LARP1B: variants seen among roughly 807,000 people sequenced by gnomAD.
The protein encoded by LARP1B is La ribonucleoprotein 1B, also known as la-related protein 1B.
A neutral mutation model predicts 114.2 loss-of-function variants in LARP1B; 76 were observed. That is an observed-to-expected ratio of 0.67 (90% CI 0.55 to 0.81). The LOEUF is 0.81. Among genes scored for constraint, LARP1B ranks in the 30% least tolerant of loss-of-function variants. LARP1B has a pLI of 0.00. For synonymous variants in LARP1B, 345 were observed against 348.0 expected, an observed-to-expected ratio of 0.99 and a Z score of 0.10; for missense variants, 1,014 against 1,075.8, an observed-to-expected ratio of 0.94 and a Z score of 0.80.
At chr4:128,159,732 G>A (rs2150410299) in intron 11 of LARP1B, among the ~76,000 whole-genome samples, 1 of 152,230 alleles carries the variant, frequency 6.6e-6, no homozygotes, top group East Asian at 1.9e-4. Flanking sequence ...TGCAGATGTA[G>A]ATCAACAGGA....
intron 11 of LARP1B, among the ~76,000 whole-genome samples, chr4:128,139,734 T>C (rs1486246323): frequency 6.6e-6 from 1 of 152,160 alleles, no homozygotes; most frequent in African/African-American, 2.4e-5. Context: ...GAAGTCTAAA[T>C]GACTGAGAAC....
Position 128,061,765 on chromosome 4 carries a change from G to C in LARP1B, c.-78+364G>C, listed in dbSNP as rs1760195179. On this transcript the variant is annotated intron_variant, in intron 1 of 19. Coordinates refer to ENST00000326639, the MANE Select transcript of LARP1B (RefSeq NM_018078.4). ...CGCCCGCGGTGACTGCTGAGAGGGA[G>C]TCGCTGTTGGCCGCGGCGAACCGGC... 8.1e-6 allele frequency: 8 copies of C among 984,962 alleles called. No homozygotes were observed. The South Asian group carries it at 3.8e-4, about 46-fold the overall frequency. 61.0% of individuals were successfully genotyped at this position (984,962 alleles called of 1,614,324 possible).
intron 17 of LARP1B, among the ~76,000 whole-genome samples, chr4:128,203,729 G>C (rs146210994): frequency 0.012 from 1,835 of 152,228 alleles, 20 homozygotes; most frequent in Non-Finnish European, 0.017. Context: ...GTTGAAAGTA[G>C]TAATAATGTG....
At position 128,082,804 on chromosome 4, in the gene LARP1B, CTTT is replaced by C. The variant is rs33973592; in HGVS notation, c.358+512_358+514del. Among the ~76,000 whole-genome samples, 1,049 of 141,284 alleles carry C rather than the reference CTTT, an allele frequency of 7.4e-3. 16 individuals carry two copies. Among genetic ancestry groups the C allele is most frequent in the African/African-American group, 0.02 (764 of 38,504 alleles). The allele number at this position is 141,284 out of a possible 152,430, so 92.7% of individuals were successfully genotyped here. On this transcript the variant is annotated intron_variant, in intron 5 of 19. Transcript: ENST00000326639. The stretch of plus-strand genomic sequence containing the variant: ...GTATAAGAAAATATATCATTTTCTT[CTTT>C]TTTTTTTTTTTTAATTTTTATTTTT...
intron 8 of LARP1B, among the ~76,000 whole-genome samples, chr4:128,103,382 A>G (rs914624768): frequency 6.6e-6 from 1 of 152,162 alleles, no homozygotes; most frequent in Non-Finnish European, 1.5e-5. Context: ...GTCCAAGGAA[A>G]AAAAAGGTAT....
intron 18 of LARP1B, among the ~76,000 whole-genome samples, 189 bp from the exon 19 acceptor site, chr4:128,207,067 T>C (rs1489825038): frequency 6.6e-6 from 1 of 152,224 alleles, no homozygotes; most frequent in African/African-American, 2.4e-5. Flanking sequence ...ACTTAATGCT[T>C]GTTACATAAC....
intron 11 of LARP1B, among the ~76,000 whole-genome samples, chr4:128,125,752 A>G (rs1789380673): frequency 6.6e-6 from 1 of 152,208 alleles, no homozygotes; most frequent in South Asian, 2.1e-4. Context: ...CTCAAAAAAC[A>G]AAAAACAAAA....
chr4:128,197,763 A>G (rs1754697366), intron 15 of LARP1B, among the ~76,000 whole-genome samples: 1 of 152,138 alleles, frequency 6.6e-6, no homozygotes, highest in Non-Finnish European at 1.5e-5. Flanking sequence ...CTGAGAAATA[A>G]TAAAGTCTGA....
At chr4:128,183,621 G>T (rs1306925607) in intron 15 of LARP1B, among the ~76,000 whole-genome samples, 8 of 152,112 alleles carry the variant, frequency 5.3e-5, no homozygotes, top group Non-Finnish European at 1.0e-4. Flanking sequence ...CATTTATTCT[G>T]CAGTCCATGG....
intron 11 of LARP1B, among the ~76,000 whole-genome samples, chr4:128,139,593 A>C (rs985005391): frequency 1.5e-4 from 23 of 151,898 alleles, no homozygotes; most frequent in Admixed American, 2.6e-4. Flanking sequence ...TAAAAAAAAA[A>C]ACAAAAAAAC....
intron 17 of LARP1B, among the ~76,000 whole-genome samples, chr4:128,204,691 T>C (rs886471108): frequency 6.6e-6 from 1 of 150,774 alleles, no homozygotes; most frequent in East Asian, 1.9e-4. Context: ...AATAAATAAA[T>C]AAAATGGCTT....
At chr4:128,092,847 T>C (rs1776370604) in intron 7 of LARP1B, 1 of 985,342 alleles carries the variant, frequency 1.0e-6, no homozygotes, top group Non-Finnish European at 1.2e-6. Context: ...GTCAACTTCA[T>C]ACCACTATTA....
intron 17 of LARP1B, among the ~76,000 whole-genome samples, chr4:128,201,516 C>T (rs1286804221): frequency 1.3e-5 from 2 of 151,852 alleles, no homozygotes; most frequent in Non-Finnish European, 2.9e-5. Flanking sequence ...AATTTTTTCC[C>T]CGCTAGTCCT....
At chr4:128,123,604 G>A (rs1040747928) in intron 11 of LARP1B, 8 of 442,120 alleles carry the variant, frequency 1.8e-5, no homozygotes, top group Non-Finnish European at 2.4e-5. Context: ...TTTTCTATTT[G>A]TTCATTACTA....
chr4:128,122,068 C>T lies in LARP1B; in HGVS notation c.1404C>T (p.Gly468=). 1 of 1,614,066 alleles carries T rather than the reference C, an allele frequency of 6.2e-7. No individual in the cohort carries two copies. Among genetic ancestry groups the T allele is most frequent in the Non-Finnish European group, 8.5e-7 (1 of 1,179,990 alleles). ...VKKHPGGDRT[G]THMSRAKITS... Reference sequence around the variant, plus strand: ...AACATCCTGGAGGAGATCGAACAGGCACCCACATGTCTCGGGCAAAAATCA... The same window carrying T: ...AACATCCTGGAGGAGATCGAACAGGTACCCACATGTCTCGGGCAAAAATCA... Residue 468 remains glycine, a synonymous_variant, in exon 11 of 20, where the codon GGC becomes GGT. Coordinates refer to ENST00000326639, the MANE Select transcript of LARP1B (RefSeq NM_018078.4).
chr4:128,164,693 C>T lies in LARP1B; in HGVS notation c.1648+2376C>T, dbSNP rs368496880. Among the ~76,000 whole-genome samples the T allele has an allele frequency of 8.5e-5, 13 of 152,240 alleles. No homozygotes were observed. In the East Asian group the frequency reaches 1.2e-3, roughly 14 times the overall value. ...GAGATACTGTTGCAGGCCATTGTGG[C>T]TCATGCCTATAATCCCAACACTTCG... On this transcript the variant is annotated intron_variant, in intron 12 of 19. Transcript: ENST00000326639.
At chr4:128,181,161 T>C (rs1163468212) in intron 15 of LARP1B, among the ~76,000 whole-genome samples, 1 of 150,412 alleles carries the variant, frequency 6.6e-6, no homozygotes, top group African/African-American at 2.4e-5. Flanking sequence ...AAATCTATCA[T>C]TTATTTTTCT....
chr4:128,085,106 C>T (rs547597160), intron 5 of LARP1B, among the ~76,000 whole-genome samples: 10 of 152,272 alleles, frequency 6.6e-5, no homozygotes, highest in African/African-American at 2.4e-4. Flanking sequence ...TCAGGTGATC[C>T]ACCCACCTCG....
At chr4:128,089,304 T>C (rs1399478709) in intron 5 of LARP1B, among the ~76,000 whole-genome samples, 3 of 152,172 alleles carry the variant, frequency 2.0e-5, no homozygotes, top group South Asian at 2.1e-4. Context: ...AAAGTAGATA[T>C]ACCTATTTTC....
Sources: gnomAD v4.1 joint callset for allele counts (sites outside exome capture counted in the v4.1 genomes callset) on GRCh38, gnomAD v4.1.1 for gene constraint, MANE v1.5 for transcripts, NCBI Gene and HGNC (gene_info 2026-07-23, HGNC 2026-07-21) for gene names.